Variants in TANGO6 observed in about 807,000 individuals in gnomAD.
TANGO6 encodes transport and Golgi organization protein 6 homolog.
In TANGO6, 90 loss-of-function variants were observed where a neutral mutation model predicts 114.2. The observed-to-expected ratio is 0.79, with a 90% CI of 0.66 to 0.94. The LOEUF (loss-of-function observed/expected upper bound fraction) is 0.94. TANGO6 is among the 40% of genes least tolerant of loss of function. The pLI, the probability that TANGO6 is intolerant of heterozygous loss-of-function variation, is 0.00. For synonymous variants in TANGO6, 477 were observed against 509.8 expected (o/e 0.94, Z 0.87); for missense variants, 1,274 against 1,315.3 (o/e 0.97, Z 0.49).
At chr16:69,039,658 A>AC (rs1959744327) in intron 16 of TANGO6, among the ~76,000 whole-genome samples, 1 of 152,180 alleles carries the variant, frequency 6.6e-6, no homozygotes, top group Non-Finnish European at 1.5e-5. Flanking sequence ...ACAAAACAGA[A>AC]AAAATACGTA....
intron 14 of TANGO6, among the ~76,000 whole-genome samples, chr16:68,969,389 A>G (rs529152922): frequency 4.6e-5 from 7 of 152,264 alleles, no homozygotes; most frequent in Admixed American, 3.3e-4. Context: ...TCATTTTTAT[A>G]CAGTCTTAAC....
Position 68,866,975 on chromosome 16 carries a change from C to CTTTT in TANGO6, c.853-82_853-79dup, listed in dbSNP as rs536677611. On this transcript the variant is annotated intron_variant, in intron 3 of 17. Transcript: ENST00000261778. ...AGTCTGCATATCATAGCTATTTCTCCTTTTTTTTTTTTTTTTTTTTTTTTT... is the reference window on the plus strand; with the variant it reads ...AGTCTGCATATCATAGCTATTTCTCCTTTTTTTTTTTTTTTTTTTTTTTTTTTTT... The CTTTT allele has an allele frequency of 2.6e-4, 59 of 227,444 alleles. 1 individual carries two copies. The highest frequency in any genetic ancestry group is 3.9e-4 in the South Asian group (8 of 20,468). The allele number at this position is 227,444 out of a possible 1,614,324, so 14.1% of individuals were successfully genotyped here. A position where few individuals can be genotyped will look rare whatever the true frequency, so the allele number is the denominator to read the frequency against.
intron 5 of TANGO6, 89 bp from the exon 6 acceptor site, chr16:68,878,029 T>C: frequency 8.9e-7 from 1 of 1,125,060 alleles, no homozygotes; most frequent in Non-Finnish European, 1.2e-6. Context: ...ATTTATTTTT[T>C]GTCTTAAAGA....
chr16:69,040,459 CTT>C, intron 17 of TANGO6, 38 bp downstream of exon 17: 2 of 1,495,944 alleles, frequency 1.3e-6, no homozygotes, highest in East Asian at 4.8e-5. Context: ...TTCTCCACCT[CTT>C]TTATTTGTCT....
chr16:69,067,883 G>T (rs1242819064), intron 17 of TANGO6, among the ~76,000 whole-genome samples: 1 of 148,124 alleles, frequency 6.8e-6, no homozygotes, highest in Admixed American at 6.9e-5. Context: ...GTTGTGGTGA[G>T]CCAAGATTGC....
intron 1 of TANGO6, among the ~76,000 whole-genome samples, chr16:68,851,846 T>A (rs1596987702): frequency 6.6e-6 from 1 of 152,200 alleles, no homozygotes; most frequent in African/African-American, 2.4e-5. Context: ...AACTTTTGGA[T>A]TTTAGCCAGT....
intron 14 of TANGO6, among the ~76,000 whole-genome samples, chr16:68,944,214 T>C (rs180714771): frequency 6.6e-6 from 1 of 152,342 alleles, no homozygotes; most frequent in Non-Finnish European, 1.5e-5. Flanking sequence ...GTCTTTGAAC[T>C]TTGAGAGCCC....
chr16:69,030,787 C>T (rs1959581352), intron 16 of TANGO6, among the ~76,000 whole-genome samples: 1 of 151,956 alleles, frequency 6.6e-6, no homozygotes, highest in South Asian at 2.1e-4. Context: ...CGCGGTGGCT[C>T]ACGCCTGTAA....
At chr16:69,032,875 C>CA (rs11300295) in intron 16 of TANGO6, among the ~76,000 whole-genome samples, 57 of 124,102 alleles carry the variant, frequency 4.6e-4, no homozygotes, top group South Asian at 1.1e-3. Flanking sequence ...GACTCCATCT[C>CA]AAAAAAAAAA....
intron 1 of TANGO6, among the ~76,000 whole-genome samples, chr16:68,852,600 CGGGA>C (rs67360252): frequency 0.074 from 11,269 of 151,924 alleles, 869 homozygotes; most frequent in African/African-American, 0.2. Context: ...GAGGCTGAGG[CGGGA>C]GGATTGCTTG....
At chr16:69,028,675 A>G (rs905405590) in intron 16 of TANGO6, among the ~76,000 whole-genome samples, 11 of 151,926 alleles carry the variant, frequency 7.2e-5, no homozygotes, top group African/African-American at 2.7e-4. Flanking sequence ...GTACAACTCA[A>G]TGGTTTTTAG....
chr16:68,928,097 A>G lies in TANGO6; in HGVS notation c.2643+14A>G, dbSNP rs540086043. 4.4e-5 allele frequency: 68 copies of G among 1,552,288 alleles called. 1 individual carries two copies. In the South Asian group the frequency reaches 7.4e-4, roughly 17 times the overall value. Reference sequence around the variant, plus strand: ...AAGCTTCTCAAGGTGAGTAGAACACACTGTAAAGACACATGGGCACAGGGT... The same window carrying G: ...AAGCTTCTCAAGGTGAGTAGAACACGCTGTAAAGACACATGGGCACAGGGT... On this transcript the variant is annotated intron_variant, in intron 13 of 17. Transcript: ENST00000261778.
chr16:68,908,316 C>G (rs1260516805), intron 10 of TANGO6, among the ~76,000 whole-genome samples: 1 of 152,134 alleles, frequency 6.6e-6, no homozygotes, highest in Non-Finnish European at 1.5e-5. Context: ...TCTTACCTCC[C>G]ATGTTCACAC....
chr16:68,857,989 G>A (rs1320900880), intron 1 of TANGO6, among the ~76,000 whole-genome samples: 1 of 151,738 alleles, frequency 6.6e-6, no homozygotes, highest in Non-Finnish European at 1.5e-5. Flanking sequence ...AAGAGTTTGG[G>A]TAACCTTGAT....
At chr16:68,852,929 G>C (rs1455146308) in intron 1 of TANGO6, among the ~76,000 whole-genome samples, 2 of 152,082 alleles carry the variant, frequency 1.3e-5, no homozygotes, top group Non-Finnish European at 2.9e-5. Flanking sequence ...TATTATATTT[G>C]CTTGATCACA....
chr16:69,053,551 TA>T (rs979744725), intron 17 of TANGO6, among the ~76,000 whole-genome samples: 1 of 152,224 alleles, frequency 6.6e-6, no homozygotes, highest in Non-Finnish European at 1.5e-5. Flanking sequence ...ATGTCTCCTA[TA>T]AGCCTTCATC....
chr16:68,864,130 C>T (rs7203985), intron 3 of TANGO6, among the ~76,000 whole-genome samples: 3,374 of 151,314 alleles, frequency 0.022, 76 homozygotes, highest in East Asian at 0.073. Flanking sequence ...GATGAGATCA[C>T]GCCATTGCAC....
intron 17 of TANGO6, among the ~76,000 whole-genome samples, chr16:69,066,123 G>A (rs1960210019): frequency 6.6e-6 from 1 of 152,022 alleles, no homozygotes; most frequent in African/African-American, 2.4e-5. Context: ...GCCTGATACT[G>A]TGTTCAGACT....
At chr16:68,882,446 G>A (rs1005886194) in intron 7 of TANGO6, among the ~76,000 whole-genome samples, 5 of 151,652 alleles carry the variant, frequency 3.3e-5, no homozygotes, top group Admixed American at 6.6e-5. Context: ...GCAGTGAGCC[G>A]AGATCGCACC....
Sources: gnomAD v4.1 joint callset for allele counts (sites outside exome capture counted in the v4.1 genomes callset) on GRCh38, gnomAD v4.1.1 for gene constraint, MANE v1.5 for transcripts, NCBI Gene and HGNC (gene_info 2026-07-23, HGNC 2026-07-21) for gene names.